The following FAM131C variants were observed in gnomAD, a reference collection of about 807,000 sequenced individuals.
FAM131C encodes family with sequence similarity 131 member C.
FAM131C carries 14 observed loss-of-function variants against 29.8 expected under a neutral mutation model. That is an observed-to-expected ratio of 0.47 (90% CI 0.31 to 0.73). The LOEUF (loss-of-function observed/expected upper bound fraction) is 0.73, where lower values mean the gene tolerates loss of function less well. Ranked by LOEUF, FAM131C falls within the 30% of genes least tolerant of loss-of-function variation. FAM131C has a pLI of 0.05. For missense variants in FAM131C, 252 were observed against 383.8 expected (o/e 0.66, Z 2.87); for synonymous variants, 86 against 157.8 (o/e 0.54, Z 3.41).
At chr1:16,073,379 C>G (rs1253553911) in intron 1 of FAM131C, 42 bp downstream of exon 1, 1 of 1,130,894 alleles carries the variant, frequency 8.8e-7, no homozygotes, top group Non-Finnish European at 1.1e-6. Flanking sequence ...CTGCGCGGGT[C>G]CCCGGCACCC....
At chr1:16,061,701 T>C (rs1296648016) in intron 4 of FAM131C, among the ~76,000 whole-genome samples, 1 of 151,792 alleles carries the variant, frequency 6.6e-6, no homozygotes, top group Non-Finnish European at 1.5e-5. Flanking sequence ...CCCCTCTGCC[T>C]CCCCCGCTGC....
intron 1 of FAM131C, among the ~76,000 whole-genome samples, chr1:16,066,426 A>T (rs1031360536): frequency 1.3e-5 from 2 of 152,036 alleles, no homozygotes; most frequent in Non-Finnish European, 2.9e-5. Flanking sequence ...ACACCATAGC[A>T]CTCAGCTCAT....
chr1:16,064,025 T>C (rs1233439664), intron 1 of FAM131C, among the ~76,000 whole-genome samples: 10 of 151,554 alleles, frequency 6.6e-5, no homozygotes, highest in Non-Finnish European at 4.4e-5. Flanking sequence ...CGCCCTTACC[T>C]CTCACCCCGG....
At chr1:16,059,243 GC>G (rs33918184) in intron 6 of FAM131C, among the ~76,000 whole-genome samples, 89,309 of 131,342 alleles carry the variant, frequency 0.68, 29,069 homozygotes, top group East Asian at 0.83. Context: ...TCTGTGAGGT[GC>G]CTCGTGCACA....
At chr1:16,072,163 G>C (rs2023758455) in intron 1 of FAM131C, among the ~76,000 whole-genome samples, 1 of 152,176 alleles carries the variant, frequency 6.6e-6, no homozygotes, top group African/African-American at 2.4e-5. Context: ...GCACACGGCA[G>C]CTATCATGTT....
chr1:16,061,160 G>C (rs2023587960), intron 4 of FAM131C, among the ~76,000 whole-genome samples: 1 of 152,204 alleles, frequency 6.6e-6, no homozygotes, highest in African/African-American at 2.4e-5. Context: ...AAATGGGAAA[G>C]ATGGGGGTAC....
Position 16,063,509 on chromosome 1 carries a change from G to A in FAM131C, c.138+12C>T, listed in dbSNP as rs1006177072. The A allele has an allele frequency of 1.3e-5, 21 of 1,601,108 alleles. No individual in the cohort carries two copies. The highest frequency in any genetic ancestry group is 5.0e-5 in the Admixed American group (3 of 59,964). The stretch of plus-strand genomic sequence containing the variant: ...GGCGCAGGTAGCACAGGGATGAGGA[G>A]CAGCCAGTTACCTTGCCAATGACAC... On this transcript the variant is annotated intron_variant, in intron 2 of 6. Coordinates refer to ENST00000375662, the MANE Select transcript of FAM131C (RefSeq NM_182623.3).
At chr1:16,058,816 C>T in intron 6 of FAM131C, 99 bp from the exon 7 acceptor site, 1 of 1,136,884 alleles carries the variant, frequency 8.8e-7, no homozygotes, top group Non-Finnish European at 1.2e-6. Flanking sequence ...AGACCTGCCT[C>T]CAAATCCAGC....
At chr1:16,061,652 G>A (rs1450918124) in intron 4 of FAM131C, among the ~76,000 whole-genome samples, 3 of 152,158 alleles carry the variant, frequency 2.0e-5, no homozygotes, top group Non-Finnish European at 4.4e-5. Flanking sequence ...GTGGGACCAG[G>A]TGGGCAGGGC....
chr1:16,072,072 C>T (rs1375845670), intron 1 of FAM131C, among the ~76,000 whole-genome samples: 1 of 152,250 alleles, frequency 6.6e-6, no homozygotes, highest in Non-Finnish European at 1.5e-5. Context: ...TCCTTCCCCT[C>T]CCGCTAGGCT....
chr1:16,062,039 C>T (rs2863454), intron 4 of FAM131C, 60 bp downstream of exon 4: 384,393 of 1,500,812 alleles, frequency 0.26, 47,346 homozygotes, highest in Admixed American at 0.39. Flanking sequence ...TTCCCACAGC[C>T]AGGGTCTAGG....
At chr1:16,072,716 C>A (rs1224548277) in intron 1 of FAM131C, among the ~76,000 whole-genome samples, 1 of 152,084 alleles carries the variant, frequency 6.6e-6, no homozygotes, top group Non-Finnish European at 1.5e-5. Context: ...GGGGCCTGCC[C>A]TGGGCCCCCA....
chr1:16,059,064 A>T (rs1245185231), intron 6 of FAM131C, among the ~76,000 whole-genome samples: 1 of 151,788 alleles, frequency 6.6e-6, no homozygotes, highest in African/African-American at 2.4e-5. Flanking sequence ...CTCAGTAGTA[A>T]CCTGGGCTTC....
rs1480734662 is a variant in FAM131C, at chr1:16,064,278, C to T, written c.23-642G>A. 5.9e-5 allele frequency among the ~76,000 whole-genome samples: 9 copies of T among 152,152 alleles called. 1 individual carries two copies. In the East Asian group the frequency reaches 7.7e-4, roughly 13 times the overall value. On this transcript the variant is annotated intron_variant, in intron 1 of 6. Coordinates refer to ENST00000375662, the MANE Select transcript of FAM131C (RefSeq NM_182623.3). The stretch of plus-strand genomic sequence containing the variant: ...CCACACACTGCTGGGGGCTTCTGCC[C>T]CTCCCTCACTGGGTCCAGGATCCTT...
chr1:16,071,614 C>T (rs1390498104), intron 1 of FAM131C, among the ~76,000 whole-genome samples: 1 of 152,108 alleles, frequency 6.6e-6, no homozygotes, highest in African/African-American at 2.4e-5. Context: ...CCAGGGGCCC[C>T]GTCCTCTCAG....
In FAM131C at chr1:16,066,088, T is replaced by C. The variant is rs139331966; in HGVS notation, c.23-2452A>G. Among the ~76,000 whole-genome samples, 26 of 152,254 alleles carry C rather than the reference T, an allele frequency of 1.7e-4. No homozygotes were observed. In the East Asian group the frequency reaches 5.0e-3, roughly 30 times the overall value. On this transcript the variant is annotated intron_variant, in intron 1 of 6. Coordinates refer to ENST00000375662, the MANE Select transcript of FAM131C (RefSeq NM_182623.3). ...TTCCAGTAGAGACAGGGTTTCACCA[T>C]GTTGGCCAGGCTGGTCTCAAACACC...
At chr1:16,071,326 C>G (rs1013538110) in intron 1 of FAM131C, among the ~76,000 whole-genome samples, 2 of 152,216 alleles carry the variant, frequency 1.3e-5, no homozygotes, top group African/African-American at 4.8e-5. Flanking sequence ...TTATACTATC[C>G]TAGCTGTGTG....
At chr1:16,066,520 A>C (rs544413047) in intron 1 of FAM131C, among the ~76,000 whole-genome samples, 25 of 152,230 alleles carry the variant, frequency 1.6e-4, no homozygotes, top group African/African-American at 5.8e-4. Context: ...ATTTCCACAA[A>C]GGCCATGTTG....
At chr1:16,070,002 C>T (rs2023732024) in intron 1 of FAM131C, among the ~76,000 whole-genome samples, 1 of 152,240 alleles carries the variant, frequency 6.6e-6, no homozygotes, top group Admixed American at 6.5e-5. Context: ...TGGGCTCAAG[C>T]GATCCTCCCG....
Sources: allele counts gnomAD v4.1 joint callset (sites outside exome capture counted in the v4.1 genomes callset), GRCh38; gene constraint gnomAD v4.1.1; transcripts MANE v1.5; gene names NCBI Gene and HGNC (gene_info 2026-07-23, HGNC 2026-07-21).